Variants in JOSD1 observed in about 807,000 individuals in gnomAD.
JOSD1 encodes the protein Josephin domain containing 1.
A neutral mutation model predicts 24.3 loss-of-function variants in JOSD1; 11 were observed. That is an observed-to-expected ratio of 0.45 (90% CI 0.29 to 0.75). The LOEUF (loss-of-function observed/expected upper bound fraction) is 0.75. JOSD1 is among the 30% of genes least tolerant of loss of function. The probability of loss-of-function intolerance (pLI) is 0.11; values close to 1 mark genes in which losing one functional copy is unlikely to be tolerated. For missense variants in JOSD1, 184 were observed against 253.5 expected, an observed-to-expected ratio of 0.73 and a Z score of 1.86; for synonymous variants, 106 against 93.8, an observed-to-expected ratio of 1.13 and a Z score of -0.75.
intron 2 of JOSD1, among the ~76,000 whole-genome samples, chr22:38,693,293 A>C (rs2092531183): frequency 6.6e-6 from 1 of 152,110 alleles, no homozygotes; most frequent in Non-Finnish European, 1.5e-5. Flanking sequence ...CTTGGATTCA[A>C]ATCCTTTCCT....
At position 38,687,893 on chromosome 22, in the gene JOSD1, G is replaced by A. The variant is rs1569262401; in HGVS notation, c.*9C>T. Reference sequence around the variant, plus strand: ...GGGGCTGAGGCGAGAGGGAGGTTGGGCAGAACTGTTACACATCGGTCCTCC... The same window carrying A: ...GGGGCTGAGGCGAGAGGGAGGTTGGACAGAACTGTTACACATCGGTCCTCC... On this transcript the variant is annotated 3_prime_UTR_variant, in exon 5 of 5. Transcript: ENST00000683374. 6.3e-7 allele frequency: 1 copy of A among 1,597,318 alleles called. No individual in the cohort carries two copies. Among genetic ancestry groups the A allele is most frequent in the East Asian group, 2.2e-5 (1 of 44,814 alleles).
rs867352179 is a variant in JOSD1 at position 38,689,401 on chromosome 22, G to A, written c.209C>T (p.Thr70Ile). Residue 70 changes from threonine to isoleucine, a missense_variant, in exon 3 of 5, where the codon ACA becomes ATA. Physicochemically the swap from Thr to Ile is moderately conservative, Grantham distance 89. Transcript: ENST00000683374. The stretch of plus-strand genomic sequence containing the variant: ...TCCCAGCATGCTCTTCTTGTGAGGT[G>A]TCACCATGGTGTTTGGAGACAACCT... Reference protein sequence around the residue: ...FQRLSPNTMVTPHKKSMLGNG... With the variant: ...FQRLSPNTMVIPHKKSMLGNG... 5 of 1,614,108 alleles carry A rather than the reference G, an allele frequency of 3.1e-6. No individual in the cohort carries two copies. In the African/African-American group the frequency reaches 4.0e-5, roughly 13 times the overall value.
chr22:38,693,428 C>T (rs1208320601), intron 2 of JOSD1, among the ~76,000 whole-genome samples: 1 of 152,196 alleles, frequency 6.6e-6, no homozygotes, highest in Non-Finnish European at 1.5e-5. Context: ...CCTCTATGTT[C>T]CTGCCAAATT....
Position 38,699,927 on chromosome 22 carries a change from C to T in JOSD1, c.61G>A (p.Ala21Thr), listed in dbSNP as rs1479764521. ...TCATGGTAGATTTGTGGGGGTGCTG[C>T]CTGGGGCAGCTCCAATGATTCAGAT... ...AKSESLELPQ[A>T]APPQIYHEKQ... is the part of the protein sequence containing the mutation. The change falls in exon 2 of 5, where the codon GCA becomes ACA. Residue 21 changes from alanine (A) to threonine (T), a missense_variant. Ala to Thr is a moderately conservative substitution (Grantham distance 58). Transcript: ENST00000683374. The T allele has an allele frequency of 6.2e-7, 1 of 1,614,040 alleles. No individual in the cohort carries two copies. Among genetic ancestry groups the T allele is most frequent in the Non-Finnish European group, 8.5e-7 (1 of 1,179,920 alleles).
upstream of JOSD1, chr22:38,701,072 G>C: frequency 1.2e-6 from 1 of 800,228 alleles, no homozygotes; most frequent in Non-Finnish European, 1.5e-6. Flanking sequence ...TAAGTCTGAC[G>C]TCATCGGCAC....
At chr22:38,688,823 C>G in intron 4 of JOSD1, 112 bp downstream of exon 4, 1 of 1,001,384 alleles carries the variant, frequency 1.0e-6, no homozygotes, top group South Asian at 1.5e-5. Context: ...GGGAGAGAAT[C>G]CAAGGGCACA....
At chr22:38,696,670 C>A (rs1422095883) in intron 2 of JOSD1, among the ~76,000 whole-genome samples, 1 of 152,208 alleles carries the variant, frequency 6.6e-6, no homozygotes, top group Non-Finnish European at 1.5e-5. Context: ...CAAATGACCT[C>A]TTTTTGCAGA....
intron 2 of JOSD1, among the ~76,000 whole-genome samples, chr22:38,691,956 G>A (rs539224021): frequency 5.3e-4 from 81 of 152,284 alleles, no homozygotes; most frequent in African/African-American, 1.9e-3. Flanking sequence ...GCACAAGACA[G>A]GTGCTCAAGG....
intron 2 of JOSD1, 93 bp from the exon 3 acceptor site, chr22:38,689,517 G>A: frequency 6.7e-7 from 1 of 1,487,928 alleles, no homozygotes; most frequent in South Asian, 1.2e-5. Flanking sequence ...TTACATCACT[G>A]CCCCTGGAAG....
rs187056443 is a variant in JOSD1, at chr22:38,699,396, T to C, written c.185+407A>G. On this transcript the variant is annotated intron_variant, in intron 2 of 4. Coordinates refer to ENST00000683374, the MANE Select transcript of JOSD1 (RefSeq NM_001360236.2). ...TACGTATCTAGTCCCACTTCTAGAC[T>C]GTAAACTCCTCGGCAGCAGAGCTTT... Among the ~76,000 whole-genome samples, 219 of 152,378 alleles carry C rather than the reference T, an allele frequency of 1.4e-3. 1 individual carries two copies. Among genetic ancestry groups the C allele is most frequent in the South Asian group, 0.012 (58 of 4,830 alleles).
At chr22:38,688,606 C>T (rs1311181473) in intron 4 of JOSD1, among the ~76,000 whole-genome samples, 2 of 152,134 alleles carry the variant, frequency 1.3e-5, no homozygotes, top group Non-Finnish European at 1.5e-5. Context: ...TTCAGTGCTC[C>T]CTGGCCTGCA....
chr22:38,695,010 A>T (rs2092538985), intron 2 of JOSD1, among the ~76,000 whole-genome samples: 1 of 152,080 alleles, frequency 6.6e-6, no homozygotes, highest in African/African-American at 2.4e-5. Context: ...ATGAAAAAGG[A>T]GATAGGAGAC....
At chr22:38,697,576 C>T (rs1314640854) in intron 2 of JOSD1, among the ~76,000 whole-genome samples, 1 of 152,254 alleles carries the variant, frequency 6.6e-6, no homozygotes, top group Non-Finnish European at 1.5e-5. Flanking sequence ...CCCAGCTCAG[C>T]AGCTGGAGGA....
upstream of JOSD1, chr22:38,701,180 G>A: frequency 5.6e-6 from 1 of 178,306 alleles, no homozygotes; most frequent in Non-Finnish European, 1.1e-5. Context: ...TGCGCACCTC[G>A]GCGGCGGCCG....
intron 2 of JOSD1, among the ~76,000 whole-genome samples, chr22:38,697,417 T>C: frequency 6.6e-6 from 1 of 152,250 alleles, no homozygotes; most frequent in East Asian, 1.9e-4. Flanking sequence ...GCAGTACAAT[T>C]TGCTAAAGCT....
In JOSD1 at chr22:38,700,135, G is replaced by A. The variant is rs2092562255; in HGVS notation, c.-148C>T. The A allele has an allele frequency of 3.0e-6, 4 of 1,343,730 alleles. No homozygotes were observed. The highest frequency in any genetic ancestry group is 3.5e-5 in the Admixed American group (1 of 28,382). The allele number at this position is 1,343,730 out of a possible 1,614,324, so 83.2% of individuals were successfully genotyped here. ...TTTATGCTTTGTCACTGGGAGAAAA[G>A]ATTGGAATCAAAAGGAAAAAAATAA... On this transcript the variant is annotated 5_prime_UTR_variant, in exon 2 of 5. Transcript: ENST00000683374.
intron 2 of JOSD1, among the ~76,000 whole-genome samples, chr22:38,694,728 G>T (rs887654767): frequency 1.3e-5 from 2 of 152,184 alleles, no homozygotes; most frequent in Non-Finnish European, 2.9e-5. Context: ...CGGGCGTGGT[G>T]GTGGGCGCCT....
chr22:38,695,540 T>G (rs1173257696), intron 2 of JOSD1, among the ~76,000 whole-genome samples: 1 of 150,670 alleles, frequency 6.6e-6, no homozygotes, highest in African/African-American at 2.4e-5. Context: ...CTCGACCTCC[T>G]GGACTCAAGC....
chr22:38,692,754 C>T (rs2092528390), intron 2 of JOSD1, among the ~76,000 whole-genome samples: 1 of 134,708 alleles, frequency 7.4e-6, no homozygotes, highest in Non-Finnish European at 1.5e-5. Context: ...GTACTCCAGC[C>T]TGGGCAACAA....
Sources: allele counts gnomAD v4.1 joint callset (sites outside exome capture counted in the v4.1 genomes callset), GRCh38; gene constraint gnomAD v4.1.1; transcripts MANE v1.5; gene names NCBI Gene and HGNC (gene_info 2026-07-23, HGNC 2026-07-21).